Variants in FOXP1 observed in about 807,000 individuals in gnomAD.
FOXP1 encodes the protein forkhead box protein P1.
In FOXP1, 15 loss-of-function variants were observed where a neutral mutation model predicts 98.2. The observed-to-expected ratio is 0.15, with a 90% CI of 0.10 to 0.24. FOXP1 has a LOEUF of 0.24. Among genes scored for constraint, FOXP1 ranks in the 10% least tolerant of loss-of-function variants. The probability of loss-of-function intolerance (pLI) is 1.00; values close to 1 mark genes in which losing one functional copy is unlikely to be tolerated. For synonymous variants in FOXP1, 371 were observed against 314.5 expected, an observed-to-expected ratio of 1.18 and a Z score of -1.90; for missense variants, 633 against 848.5, an observed-to-expected ratio of 0.75 and a Z score of 3.15.
At chr3:71,153,154 A>G (rs1418154025) in intron 6 of FOXP1, among the ~76,000 whole-genome samples, 1 of 152,144 alleles carries the variant, frequency 6.6e-6, no homozygotes, top group East Asian at 1.9e-4. Flanking sequence ...GTACCCGGCA[A>G]TTGTGCGGCA....
At chr3:71,226,876 A>T (rs2065883227) in intron 5 of FOXP1, among the ~76,000 whole-genome samples, 1 of 152,148 alleles carries the variant, frequency 6.6e-6, no homozygotes, top group Non-Finnish European at 1.5e-5. Context: ...GATCCTGTAC[A>T]GTCACACTGG....
At chr3:71,562,312 T>C (rs891497412) in intron 2 of FOXP1, among the ~76,000 whole-genome samples, 8 of 152,368 alleles carry the variant, frequency 5.3e-5, no homozygotes, top group Admixed American at 1.3e-4. Flanking sequence ...TTAACTTACC[T>C]AATCTTCACC....
At chr3:71,394,080 C>A (rs2081221232) in intron 3 of FOXP1, among the ~76,000 whole-genome samples, 2 of 152,342 alleles carry the variant, frequency 1.3e-5, no homozygotes, top group South Asian at 4.1e-4. Flanking sequence ...CCAACTATGC[C>A]TGCATCAACA....
At chr3:71,114,459 A>T (rs1043184927) in intron 6 of FOXP1, among the ~76,000 whole-genome samples, 10 of 152,250 alleles carry the variant, frequency 6.6e-5, no homozygotes, top group African/African-American at 2.4e-4. Flanking sequence ...GTTGTAACAA[A>T]TAATACTTTT....
intron 5 of FOXP1, among the ~76,000 whole-genome samples, chr3:71,245,982 A>G (rs1576573614): frequency 7.4e-6 from 1 of 135,978 alleles, no homozygotes; most frequent in Non-Finnish European, 1.6e-5. Flanking sequence ...TGCCATGATC[A>G]CTTAGTACGA....
intron 2 of FOXP1, among the ~76,000 whole-genome samples, chr3:71,550,540 T>A (rs2045698145): frequency 6.6e-6 from 1 of 152,222 alleles, no homozygotes; most frequent in African/African-American, 2.4e-5. Flanking sequence ...TAAATTAACA[T>A]CCAGTGAATA....
chr3:71,413,011 G>A (rs1002532575), intron 3 of FOXP1, among the ~76,000 whole-genome samples: 2 of 151,980 alleles, frequency 1.3e-5, no homozygotes, highest in Admixed American at 1.3e-4. Context: ...AGGAATGACT[G>A]CCCAAATTCA....
rs1342800649 is a variant in FOXP1, at chr3:70,956,098, G to C, written c.*3149C>G. ...TTTTTTTTAGTATCGTTAATATAAAGCAGTTGCACAAAAAGCAAAGGTGTT... is the reference window on the plus strand; with the variant it reads ...TTTTTTTTAGTATCGTTAATATAAACCAGTTGCACAAAAAGCAAAGGTGTT... On this transcript the variant is annotated 3_prime_UTR_variant, in exon 21 of 21. Coordinates refer to ENST00000649528, the MANE Select transcript of FOXP1 (RefSeq NM_001349338.3). 4.3e-6 allele frequency: 1 copy of C among 232,440 alleles called. No homozygotes were observed. Among genetic ancestry groups the C allele is most frequent in the Non-Finnish European group, 8.5e-6 (1 of 117,790 alleles). The allele number at this position is 232,440 out of a possible 1,614,324, so 14.4% of individuals were successfully genotyped here.
At chr3:71,183,325 C>G (rs1034529933) in intron 6 of FOXP1, among the ~76,000 whole-genome samples, 2 of 151,998 alleles carry the variant, frequency 1.3e-5, no homozygotes, top group African/African-American at 2.4e-5. Context: ...GAAAACCTGT[C>G]TCTACTAAAA....
At chr3:71,022,687 C>T (rs1296372106) in intron 11 of FOXP1, among the ~76,000 whole-genome samples, 5 of 152,196 alleles carry the variant, frequency 3.3e-5, no homozygotes, top group South Asian at 2.1e-4. Flanking sequence ...GATAGCTCTG[C>T]TTGTAACCAG....
intron 5 of FOXP1, among the ~76,000 whole-genome samples, chr3:71,250,198 C>T (rs1445990248): frequency 2.0e-5 from 3 of 152,222 alleles, no homozygotes; most frequent in Non-Finnish European, 2.9e-5. Flanking sequence ...ATGCCCCCAC[C>T]GCATTCGTGA....
At chr3:71,001,111 A>C in intron 12 of FOXP1, 52 bp from the exon 13 acceptor site, 1 of 1,383,890 alleles carries the variant, frequency 7.2e-7, no homozygotes, top group East Asian at 2.3e-5. Context: ...CAAAAAGGAA[A>C]ATATAAGTTA....
intron 14 of FOXP1, 106 bp downstream of exon 14, chr3:70,987,888 G>C: frequency 1.0e-6 from 1 of 996,008 alleles, no homozygotes; most frequent in East Asian, 2.4e-5. Context: ...AAAACTCAAA[G>C]CTCCACCAAA....
In FOXP1 at chr3:70,970,632, G is replaced by A. The variant is rs557060719; in HGVS notation, c.1722+104C>T. On this transcript the variant is annotated intron_variant, in intron 19 of 20. Transcript: ENST00000649528. ...TGTGCACTTAAGAAAAAAGTTTAACGGAATTAAAATTTAATATCTAATTAG... is the reference window on the plus strand; with the variant it reads ...TGTGCACTTAAGAAAAAAGTTTAACAGAATTAAAATTTAATATCTAATTAG... The A allele has an allele frequency of 3.0e-5, 30 of 1,004,962 alleles. No individual in the cohort carries two copies. In the Middle Eastern group the frequency reaches 6.2e-4, roughly 21 times the overall value. 62.3% of individuals were successfully genotyped at this position (1,004,962 alleles called of 1,614,324 possible).
chr3:70,994,949 C>T (rs142007616), intron 13 of FOXP1, among the ~76,000 whole-genome samples: 60 of 152,236 alleles, frequency 3.9e-4, no homozygotes, highest in Non-Finnish European at 6.6e-4. Flanking sequence ...AAATTAAAAC[C>T]ACTACATGTG....
intron 5 of FOXP1, among the ~76,000 whole-genome samples, chr3:71,241,661 G>T (rs1460694651): frequency 6.6e-6 from 1 of 152,334 alleles, no homozygotes. Flanking sequence ...GAAAATTAAA[G>T]CTGAAGCAGT....
At chr3:71,062,740 A>C (rs951270894) in intron 7 of FOXP1, among the ~76,000 whole-genome samples, 4 of 152,214 alleles carry the variant, frequency 2.6e-5, no homozygotes, top group African/African-American at 9.7e-5. Context: ...CAAGCTGCAC[A>C]TTTGGGCAGG....
intron 6 of FOXP1, among the ~76,000 whole-genome samples, chr3:71,145,229 T>A (rs1016708958): frequency 6.6e-6 from 1 of 151,616 alleles, no homozygotes. Flanking sequence ...TTTTTATTTA[T>A]TTATTTTTTT....
chr3:71,194,077 T>C (rs1272075849), intron 6 of FOXP1, among the ~76,000 whole-genome samples: 1 of 152,186 alleles, frequency 6.6e-6, no homozygotes, highest in Non-Finnish European at 1.5e-5. Context: ...GTAAACACTT[T>C]GCTTATCCAC....
Sources: gnomAD v4.1 joint callset for allele counts (sites outside exome capture counted in the v4.1 genomes callset) on GRCh38, gnomAD v4.1.1 for gene constraint, MANE v1.5 for transcripts, NCBI Gene and HGNC (gene_info 2026-07-23, HGNC 2026-07-21) for gene names.